Variants in EMX1 observed in about 807,000 individuals in gnomAD.
The protein encoded by EMX1 is homeobox protein EMX1.
EMX1 carries 10 observed loss-of-function variants against 20.1 expected under a neutral mutation model. The ratio of observed to expected loss-of-function variants is 0.50; its 90% CI spans 0.31 to 0.84. EMX1 has a LOEUF of 0.84. EMX1 is among the 40% of genes least tolerant of loss of function. The pLI is 0.05. For missense variants in EMX1, 424 were observed against 431.9 expected (o/e 0.98, Z 0.16); for synonymous variants, 250 against 200.4 (o/e 1.25, Z -2.09).
At chr2:72,919,276 T>C (rs1370684491) in intron 1 of EMX1, among the ~76,000 whole-genome samples, 1 of 152,220 alleles carries the variant, frequency 6.6e-6, no homozygotes, top group Non-Finnish European at 1.5e-5. Context: ...GAGTTCGTTT[T>C]CTTCCTTGAA....
At chr2:72,922,706 T>C (rs1040609980) in intron 1 of EMX1, among the ~76,000 whole-genome samples, 1 of 152,210 alleles carries the variant, frequency 6.6e-6, no homozygotes, top group African/African-American at 2.4e-5. Flanking sequence ...GGAAGTAAGG[T>C]CAGGGAGTTT....
chr2:72,917,197 A>C (rs1670979009), upstream of EMX1: 1 of 604,832 alleles, frequency 1.7e-6, no homozygotes, highest in African/African-American at 1.9e-5. Context: ...CCCGGGACGA[A>C]TGGGAGAGTT....
chr2:72,916,831 C>T (rs1443685661), upstream of EMX1: 1 of 717,246 alleles, frequency 1.4e-6, no homozygotes, highest in Admixed American at 2.0e-5. Context: ...CCGTCCTGGT[C>T]CAAGCCGGTC....
At chr2:72,916,936 C>T (rs1338593243), upstream of EMX1, 2 of 717,238 alleles carry the variant, frequency 2.8e-6, no homozygotes, top group East Asian at 2.7e-5. Flanking sequence ...CCGCGCAGTG[C>T]CCCGCCTGGC....
chr2:72,916,966 C>T (rs1007736010), upstream of EMX1: 4 of 716,534 alleles, frequency 5.6e-6, no homozygotes, highest in Admixed American at 4.0e-5. Context: ...AGGGAGTGAG[C>T]GTCCCCTTTC....
chr2:72,918,184 T>C lies in EMX1; in HGVS notation c.332T>C (p.Leu111Pro), dbSNP rs749847848. Residue 111 changes from leucine (L) to proline (P), a missense_variant, in exon 1 of 3, where the codon CTC becomes CCC. Leu to Pro is a moderately conservative substitution (Grantham distance 98). Around this residue, in one of 2 missense-constraint regions of EMX1, gnomAD observed 333 missense variants for 296.6 expected, o/e 1.12. Transcript: ENST00000258106. The part of the protein sequence containing the change: ...AAAAAGAGRS[L>P]YGGPELVFPE... ...GCCGCCGCGGGCGCGGGCCGCTCGC[T>C]CTACGGTGGGCCCGAGCTCGTGTTC... 1 of 1,545,490 alleles carries C rather than the reference T, an allele frequency of 6.5e-7. No individual in the cohort carries two copies. Among genetic ancestry groups the C allele is most frequent in the South Asian group, 1.2e-5 (1 of 84,796 alleles).
At chr2:72,933,527 G>A (rs1671316928) in intron 2 of EMX1, 3 of 504,702 alleles carry the variant, frequency 5.9e-6, no homozygotes, top group Non-Finnish European at 1.1e-5. Flanking sequence ...CAGCAGCTCT[G>A]TGACCCTTTG....
rs1670991123 is a variant in EMX1, at chr2:72,917,656, C to A, written c.-197C>A. ...TCGGGCCTTACTGGCAGCTCGCAGCCTAGCACGGAGCCCGCGCCTGTGCGG... is the reference window on the plus strand; with the variant it reads ...TCGGGCCTTACTGGCAGCTCGCAGCATAGCACGGAGCCCGCGCCTGTGCGG... On this transcript the variant is annotated 5_prime_UTR_variant, in exon 1 of 3. Coordinates refer to ENST00000258106, the MANE Select transcript of EMX1 (RefSeq NM_004097.3). 2 of 305,958 alleles carry A rather than the reference C, an allele frequency of 6.5e-6. No homozygotes were observed. Among genetic ancestry groups the A allele is most frequent in the African/African-American group, 4.4e-5 (2 of 45,012 alleles). The allele number at this position is 305,958 out of a possible 1,614,324, so 19.0% of individuals were successfully genotyped here.
At chr2:72,922,892 C>G (rs1339758064) in intron 1 of EMX1, among the ~76,000 whole-genome samples, 1 of 152,254 alleles carries the variant, frequency 6.6e-6, no homozygotes, top group Non-Finnish European at 1.5e-5. Flanking sequence ...CAGTAGCCAT[C>G]TCTGAAGAAA....
Position 72,934,202 on chromosome 2 carries a change from C to A in EMX1, c.*248C>A, listed in dbSNP as rs1197279155. On this transcript the variant is annotated 3_prime_UTR_variant, in exon 3 of 3. Transcript: ENST00000258106. ...GCCTGGGCGGGCCCGCCCGCCACCG[C>A]AGCCTCCCAGCTGCTCTCCGTGTCT... 7.6e-6 allele frequency: 4 copies of A among 523,032 alleles called. No individual in the cohort carries two copies. The African/African-American group carries it at 7.7e-5, about 10-fold the overall frequency. The allele number at this position is 523,032 out of a possible 1,614,324, so 32.4% of individuals were successfully genotyped here. A position where few individuals can be genotyped will look rare whatever the true frequency, so the allele number is the denominator to read the frequency against.
chr2:72,918,046 G>A lies in EMX1; in HGVS notation c.194G>A (p.Gly65Asp). 4 of 1,421,062 alleles carry A rather than the reference G, an allele frequency of 2.8e-6. No homozygotes were observed. Among genetic ancestry groups the A allele is most frequent in the Non-Finnish European group, 3.6e-6 (4 of 1,096,734 alleles). 88.0% of individuals were successfully genotyped at this position (1,421,062 alleles called of 1,614,324 possible). A position where few individuals can be genotyped will look rare whatever the true frequency, so the allele number is the denominator to read the frequency against. Residue 65 changes from glycine (G) to aspartate (D), a missense_variant, in exon 1 of 3, where the codon GGC becomes GAC. Coordinates refer to ENST00000258106, the MANE Select transcript of EMX1 (RefSeq NM_004097.3). ...TGGGTGGGGA[G>D]SHLLAAAASE... ...GGGGGCACTGGCGGCGGGGGCGCGG[G>A]CTCCCATCTCCTGGCGGCGGCCGCC...
At chr2:72,926,952 C>A (rs1671215493) in intron 2 of EMX1, among the ~76,000 whole-genome samples, 1 of 152,162 alleles carries the variant, frequency 6.6e-6, no homozygotes, top group Admixed American at 6.5e-5. Context: ...TTCCAGCTAT[C>A]AGCTATTTGT....
At chr2:72,922,899 G>A (rs754242330) in intron 1 of EMX1, among the ~76,000 whole-genome samples, 68 of 152,248 alleles carry the variant, frequency 4.5e-4, no homozygotes, top group Non-Finnish European at 8.4e-4. Context: ...CATCTCTGAA[G>A]AAATTAATTG....
At position 72,930,131 on chromosome 2, in the gene EMX1, G is replaced by T. The variant is rs76856565; in HGVS notation, c.706-3656G>T. The stretch of plus-strand genomic sequence containing the variant: ...TCATTTTCTCCTGTTTTCCAGGTCT[G>T]GCCCAGGTACCTCTTGCCTAGAGCA... On this transcript the variant is annotated intron_variant, in intron 2 of 2. Coordinates refer to ENST00000258106, the MANE Select transcript of EMX1 (RefSeq NM_004097.3). This position sits in a 1 kb window ranked among gnomAD's most constrained non-coding sequence, Gnocchi z 4.4. Among the ~76,000 whole-genome samples the T allele has an allele frequency of 6.6e-6, 1 of 152,226 alleles. No individual in the cohort carries two copies. The highest frequency in any genetic ancestry group is 1.9e-4 in the East Asian group (1 of 5,202).
At chr2:72,920,787 C>T (rs973187786) in intron 1 of EMX1, among the ~76,000 whole-genome samples, 3 of 152,190 alleles carry the variant, frequency 2.0e-5, no homozygotes, top group African/African-American at 4.8e-5. Context: ...CGGGGCCGCT[C>T]GCGAGCACCG....
rs148746958 is a variant in EMX1 at position 72,921,424 on chromosome 2, C to A, written c.521-2885C>A. ...GTTTGTTCTGCCCTTGTGGTCCAGG[C>A]AAGGGAAACTGAACCCCTGGTAGGG... On this transcript the variant is annotated intron_variant, in intron 1 of 2. Transcript: ENST00000258106. Among the ~76,000 whole-genome samples the A allele has an allele frequency of 1.8e-4, 28 of 152,300 alleles. No individual in the cohort carries two copies. In the East Asian group the frequency reaches 5.2e-3, roughly 28 times the overall value.
chr2:72,916,777 C>A, upstream of EMX1: 1 of 717,384 alleles, frequency 1.4e-6, no homozygotes, highest in Non-Finnish European at 2.6e-6. Context: ...GCCCCCAGAG[C>A]CTCAGAGAAG....
At chr2:72,924,191 G>T (rs531459632) in intron 1 of EMX1, 118 bp from the exon 2 acceptor site, 3 of 1,279,412 alleles carry the variant, frequency 2.3e-6, no homozygotes, top group Non-Finnish European at 3.3e-6. Context: ...GTCAAGGAAT[G>T]GAGAGGGCAG....
chr2:72,919,528 C>A (rs557859429), intron 1 of EMX1, among the ~76,000 whole-genome samples: 1 of 152,236 alleles, frequency 6.6e-6, no homozygotes, highest in African/African-American at 2.4e-5. Context: ...TAGTCTAGGT[C>A]TACAGTCAAT....
Sources: gnomAD v4.1 joint callset for allele counts (sites outside exome capture counted in the v4.1 genomes callset) on GRCh38, gnomAD v4.1.1 for gene constraint, gnomAD v4.1.1 regional missense constraint, Gnocchi (gnomAD v3.1) non-coding constraint, MANE v1.5 for transcripts, NCBI Gene and HGNC (gene_info 2026-07-23, HGNC 2026-07-21) for gene names.